GPHN: variants seen among roughly 807,000 people sequenced by gnomAD.
GPHN encodes gephyrin.
Under a neutral mutation model 95.5 loss-of-function variants are expected in GPHN, and 17 were observed. The ratio of observed to expected loss-of-function variants is 0.18; its 90% CI spans 0.12 to 0.27. The LOEUF is 0.27. GPHN is among the 10% of genes least tolerant of loss of function. GPHN has a pLI of 1.00. For synonymous variants in GPHN, 320 were observed against 322.5 expected (o/e 0.99, Z 0.08); for missense variants, 660 against 978.1 (o/e 0.67, Z 4.34).
At chr14:66,614,347 A>AGTAACTACTATT (rs1018309812) in intron 1 of GPHN, among the ~76,000 whole-genome samples, 7 of 152,168 alleles carry the variant, frequency 4.6e-5, no homozygotes, top group Admixed American at 1.3e-4. Flanking sequence ...CTCCAAAGCC[A>AGTAACTACTATT]GTGCTCTTAA....
chr14:67,453,931 A>T, the GPHN span: 2 of 152,200 alleles, frequency 1.3e-5, no homozygotes, highest in Non-Finnish European at 2.9e-5. Flanking sequence ...AAAATGGAGG[A>T]GAATCATACC....
At chr14:67,557,993 G>C in the GPHN span, among the ~76,000 whole-genome samples, 4 of 152,342 alleles carry the variant, frequency 2.6e-5, no homozygotes, top group East Asian at 7.7e-4. Context: ...GACCAAAGTT[G>C]TTGCCTCCTC....
chr14:67,109,790 T>C (rs1217093818), intron 13 of GPHN, among the ~76,000 whole-genome samples: 1 of 152,240 alleles, frequency 6.6e-6, no homozygotes, highest in Non-Finnish European at 1.5e-5. Flanking sequence ...GCAATTTTTT[T>C]ACTTACAGAC....
At chr14:66,646,756 T>C (rs769773012) in intron 1 of GPHN, among the ~76,000 whole-genome samples, 1 of 152,088 alleles carries the variant, frequency 6.6e-6, no homozygotes, top group Non-Finnish European at 1.5e-5. Context: ...TGTTGTTTAA[T>C]GGGTATAGAG....
intron 3 of GPHN, among the ~76,000 whole-genome samples, chr14:66,803,508 A>C (rs2060434096): frequency 6.6e-6 from 1 of 150,758 alleles, no homozygotes; most frequent in African/African-American, 2.4e-5. Context: ...CCACCATCTC[A>C]CTCCACCCCT....
chr14:66,602,009 G>A lies in GPHN; in HGVS notation c.65-79098G>A, dbSNP rs112666515. ...TAACTGGGCTGATTTATCATAGGTG[G>A]TGGATGTGTAAACTTACCTGTGTAT... On this transcript the variant is annotated intron_variant, in intron 1 of 22. Coordinates refer to ENST00000478722, the MANE Select transcript of GPHN (RefSeq NM_020806.5). 3.6e-3 allele frequency among the ~76,000 whole-genome samples: 552 copies of A among 151,996 alleles called. 11 individuals carry two copies. Among genetic ancestry groups the A allele is most frequent in the African/African-American group, 0.013 (526 of 41,534 alleles).
chr14:67,283,223 T>C, the GPHN span, among the ~76,000 whole-genome samples: 1 of 152,176 alleles, frequency 6.6e-6, no homozygotes, highest in Non-Finnish European at 1.5e-5. Context: ...AATATTTTCA[T>C]AGAATTAATA....
the GPHN span, among the ~76,000 whole-genome samples, chr14:67,314,133 G>A: frequency 3.9e-5 from 6 of 152,022 alleles, no homozygotes; most frequent in African/African-American, 1.4e-4. Flanking sequence ...AACAGATTTG[G>A]CTATAGACTT....
At chr14:67,164,008 C>T (rs1306183158) in intron 19 of GPHN, among the ~76,000 whole-genome samples, 2 of 152,048 alleles carry the variant, frequency 1.3e-5, no homozygotes, top group East Asian at 3.9e-4. Context: ...GTGGCTTACA[C>T]CTGTAATCCC....
At chr14:67,733,919 A>C in the GPHN span, 1 of 1,151,130 alleles carries the variant, frequency 8.7e-7, no homozygotes, top group Non-Finnish European at 1.3e-6. Flanking sequence ...GAGAAGGCCA[A>C]CCCTAAAGGA....
chr14:66,896,354 C>T (rs1423661281), intron 5 of GPHN, among the ~76,000 whole-genome samples: 1 of 152,090 alleles, frequency 6.6e-6, no homozygotes, highest in Non-Finnish European at 1.5e-5. Flanking sequence ...CACAGTGGCT[C>T]ACCCCTGTAA....
At chr14:67,302,601 A>G in the GPHN span, 1 of 1,417,770 alleles carries the variant, frequency 7.1e-7, no homozygotes, top group Non-Finnish European at 9.3e-7. Context: ...AGAATAATTG[A>G]TAGCTTTTAG....
the GPHN span, among the ~76,000 whole-genome samples, chr14:67,372,127 A>T: frequency 6.6e-6 from 1 of 150,824 alleles, no homozygotes. Context: ...CTTTTTATTT[A>T]AAAAAAAAAT....
the GPHN span, among the ~76,000 whole-genome samples, chr14:67,369,701 C>T: frequency 2.0e-5 from 3 of 152,088 alleles, no homozygotes; most frequent in African/African-American, 7.2e-5. Flanking sequence ...TAAATAAGCC[C>T]TTCCAAATAA....
the GPHN span, chr14:67,693,101 G>T: frequency 1.5e-6 from 2 of 1,335,608 alleles, no homozygotes; most frequent in Non-Finnish European, 2.1e-6. Flanking sequence ...TACTGTCTCA[G>T]CCAGTAGGTT....
At chr14:66,864,550 A>C (rs1334962947) in intron 4 of GPHN, among the ~76,000 whole-genome samples, 1 of 152,196 alleles carries the variant, frequency 6.6e-6, no homozygotes, top group Non-Finnish European at 1.5e-5. Flanking sequence ...AGACAGGCAG[A>C]TCACCTGAGG....
chr14:67,077,146 G>A (rs537002494), intron 11 of GPHN, among the ~76,000 whole-genome samples: 3 of 151,940 alleles, frequency 2.0e-5, no homozygotes, highest in South Asian at 2.1e-4. Context: ...GTTTTGTTTT[G>A]TTTTGTTTTG....
At chr14:67,573,227 A>G in the GPHN span, 3 of 1,172,846 alleles carry the variant, frequency 2.6e-6, no homozygotes, top group Non-Finnish European at 3.8e-6. The surrounding 1 kb of genome is among the most constrained non-coding windows in gnomAD (Gnocchi z 4.8). Flanking sequence ...GATGTCTAGG[A>G]GCCCTGAGTG....
intron 2 of GPHN, among the ~76,000 whole-genome samples, chr14:66,751,899 A>T (rs1001717285): frequency 1.3e-5 from 2 of 152,110 alleles, no homozygotes; most frequent in Non-Finnish European, 1.5e-5. Flanking sequence ...TCCAGTATTT[A>T]AGGTTGTCTT....
Sources: allele counts gnomAD v4.1 joint callset (sites outside exome capture counted in the v4.1 genomes callset), GRCh38; gene constraint gnomAD v4.1.1; non-coding constraint Gnocchi (gnomAD v3.1); transcripts MANE v1.5; gene names NCBI Gene and HGNC (gene_info 2026-07-23, HGNC 2026-07-21).